The following CD2AP variants were observed in gnomAD, a reference collection of about 807,000 sequenced individuals.
CD2AP encodes CD2 associated protein.
A neutral mutation model predicts 85.1 loss-of-function variants in CD2AP; 46 were observed. The ratio of observed to expected loss-of-function variants is 0.54; its 90% CI spans 0.43 to 0.69. The LOEUF is 0.69. Among genes scored for constraint, CD2AP ranks in the 30% least tolerant of loss-of-function variants. The pLI, the probability that CD2AP is intolerant of heterozygous loss-of-function variation, is 0.00. For synonymous variants in CD2AP, 255 were observed against 252.9 expected (o/e 1.01, Z -0.08); for missense variants, 769 against 729.5 (o/e 1.05, Z -0.62).
chr6:47,512,124 C>T (rs1036589250), intron 2 of CD2AP, among the ~76,000 whole-genome samples: 9 of 151,870 alleles, frequency 5.9e-5, no homozygotes, highest in African/African-American at 2.2e-4. Context: ...CGCCACTGCA[C>T]TCCAGCCTGG....
At chr6:47,533,304 A>G (rs1420606908) in intron 2 of CD2AP, among the ~76,000 whole-genome samples, 2 of 149,812 alleles carry the variant, frequency 1.3e-5, no homozygotes, top group African/African-American at 2.5e-5. Context: ...ACTTTGAATT[A>G]TTGTTTGTCT....
At chr6:47,556,261 C>G (rs146508614) in intron 5 of CD2AP, among the ~76,000 whole-genome samples, 1 of 149,504 alleles carries the variant, frequency 6.7e-6, no homozygotes, top group Admixed American at 6.7e-5. Context: ...TGTTCCCCTC[C>G]CTGTGCCCAT....
At chr6:47,512,145 G>A (rs1409425364) in intron 2 of CD2AP, among the ~76,000 whole-genome samples, 1 of 151,560 alleles carries the variant, frequency 6.6e-6, no homozygotes, top group African/African-American at 2.4e-5. Context: ...GCAACAGAGC[G>A]AGACTCCGTC....
intron 1 of CD2AP, among the ~76,000 whole-genome samples, chr6:47,487,377 T>G (rs1436211328): frequency 6.6e-6 from 1 of 152,158 alleles, no homozygotes; most frequent in African/African-American, 2.4e-5. Context: ...TGCTTACAAC[T>G]TCATAGTTTA....
At chr6:47,534,742 T>C (rs533071081) in intron 3 of CD2AP, among the ~76,000 whole-genome samples, 1 of 151,984 alleles carries the variant, frequency 6.6e-6, no homozygotes, top group African/African-American at 2.4e-5. Flanking sequence ...TACGGTGTTA[T>C]GGGAGCACAT....
At chr6:47,552,923 C>G (rs1767566382) in intron 4 of CD2AP, among the ~76,000 whole-genome samples, 1 of 151,922 alleles carries the variant, frequency 6.6e-6, no homozygotes, top group African/African-American at 2.4e-5. Context: ...TTTTAAGTTA[C>G]TATAGTTTTA....
intron 2 of CD2AP, among the ~76,000 whole-genome samples, chr6:47,527,581 A>G (rs868564915): frequency 9.2e-5 from 14 of 152,352 alleles, no homozygotes; most frequent in Middle Eastern, 3.4e-3. Flanking sequence ...GTGCACCATA[A>G]TGAATGAATT....
intron 2 of CD2AP, among the ~76,000 whole-genome samples, chr6:47,523,715 G>A (rs1462651916): frequency 1.3e-5 from 2 of 152,046 alleles, no homozygotes; most frequent in Non-Finnish European, 2.9e-5. Context: ...ACTTTATACA[G>A]GTAATACTAG....
At chr6:47,583,076 C>T (rs1768525954) in intron 11 of CD2AP, among the ~76,000 whole-genome samples, 1 of 152,158 alleles carries the variant, frequency 6.6e-6, no homozygotes, top group Admixed American at 6.6e-5. Flanking sequence ...AGCCTCCGTG[C>T]CTGGGCCAGT....
intron 1 of CD2AP, among the ~76,000 whole-genome samples, chr6:47,501,113 A>G (rs903720651): frequency 6.6e-6 from 1 of 152,140 alleles, no homozygotes; most frequent in Non-Finnish European, 1.5e-5. Context: ...TCAGCTGGGC[A>G]TGGTGGCTCA....
intron 5 of CD2AP, among the ~76,000 whole-genome samples, chr6:47,569,510 G>A (rs942869577): frequency 6.6e-6 from 1 of 151,528 alleles, no homozygotes; most frequent in African/African-American, 2.4e-5. Context: ...TTAAATGTTT[G>A]TGCCATTTAT....
chr6:47,577,049 TA>T lies in CD2AP; in HGVS notation c.851del (p.Asn284MetfsTer12). 1 of 1,538,860 alleles carries T rather than the reference TA, an allele frequency of 6.5e-7. No individual in the cohort carries two copies. The highest frequency in any genetic ancestry group is 9.0e-7 in the Non-Finnish European group (1 of 1,111,698). ...CRTLFAYEGTNEDELTFKEGE... is the reference protein window; with the variant it reads ...CRTLFAYEGTXEDELTFKEGE... ...GAACATTATTTGCCTATGAAGGTAC[TA>T]ATGAAGATGAACTTACTTTTAAAGA... On this transcript the variant is annotated frameshift_variant, in exon 8 of 18. Coordinates refer to ENST00000359314, the MANE Select transcript of CD2AP (RefSeq NM_012120.3). LOFTEE classifies it high-confidence loss of function.
intron 5 of CD2AP, among the ~76,000 whole-genome samples, chr6:47,568,599 C>G (rs1187956955): frequency 6.6e-6 from 1 of 152,080 alleles, no homozygotes; most frequent in Non-Finnish European, 1.5e-5. Context: ...AAAAAATTAG[C>G]TGGGCATGGT....
intron 7 of CD2AP, among the ~76,000 whole-genome samples, 187 bp downstream of exon 7, chr6:47,576,789 A>G (rs1768325567): frequency 6.6e-6 from 1 of 152,186 alleles, no homozygotes; most frequent in South Asian, 2.1e-4. Context: ...TTGTAGTTGA[A>G]TCTGTGCCTG....
intron 2 of CD2AP, among the ~76,000 whole-genome samples, chr6:47,525,574 A>G (rs1365348804): frequency 1.3e-5 from 2 of 152,184 alleles, no homozygotes; most frequent in African/African-American, 4.8e-5. Flanking sequence ...CCAGATTATT[A>G]TATGGACATA....
At chr6:47,595,755 C>G in intron 11 of CD2AP, 106 bp from the exon 12 acceptor site, 1 of 826,994 alleles carries the variant, frequency 1.2e-6, no homozygotes, top group East Asian at 2.5e-5. Context: ...AATGAAAGTT[C>G]ATGTCTGCCT....
rs546832410 is a variant in CD2AP at position 47,573,549 on chromosome 6, C to T, written c.542-515C>T. On this transcript the variant is annotated intron_variant, in intron 5 of 17. Transcript: ENST00000359314. The stretch of plus-strand genomic sequence containing the variant: ...TGTCGCCCAGGCTGGAGTGCAGTGG[C>T]GTGATCTTGGCTCACTGCAAGCTCC... 5.3e-5 allele frequency among the ~76,000 whole-genome samples: 7 copies of T among 132,202 alleles called. No homozygotes were observed. The South Asian group carries it at 9.3e-4, about 18-fold the overall frequency. 86.7% of individuals were successfully genotyped at this position (132,202 alleles called of 152,430 possible).
chr6:47,609,474 C>T (rs893286365), intron 16 of CD2AP, 170 bp downstream of exon 16: 7 of 470,408 alleles, frequency 1.5e-5, no homozygotes, highest in African/African-American at 8.7e-5. Context: ...TCCAGGAGTT[C>T]GAGACCAGCC....
chr6:47,515,051 TAA>T (rs77919389), intron 2 of CD2AP, among the ~76,000 whole-genome samples: 31 of 135,172 alleles, frequency 2.3e-4, no homozygotes, highest in Admixed American at 1.5e-4. Flanking sequence ...GAGTCCGTCT[TAA>T]AAAAAAAAAA....
Sources: gnomAD v4.1 joint callset for allele counts (sites outside exome capture counted in the v4.1 genomes callset) on GRCh38, gnomAD v4.1.1 for gene constraint, MANE v1.5 for transcripts, NCBI Gene and HGNC (gene_info 2026-07-23, HGNC 2026-07-21) for gene names.